ACACA: variants seen among roughly 807,000 people sequenced by gnomAD.
ACACA encodes the protein acetyl-CoA carboxylase alpha.
A neutral mutation model predicts 296.1 loss-of-function variants in ACACA; 103 were observed. The ratio of observed to expected loss-of-function variants is 0.35; its 90% CI spans 0.30 to 0.41. The LOEUF (loss-of-function observed/expected upper bound fraction) is 0.41. ACACA is among the 10% of genes least tolerant of loss of function. ACACA has a pLI of 1.00. For synonymous variants in ACACA, 953 were observed against 1,038.6 expected, an observed-to-expected ratio of 0.92 and a Z score of 1.58; for missense variants, 1,554 against 2,989.7, an observed-to-expected ratio of 0.52 and a Z score of 11.20.
At chr17:37,392,050 A>C in intron 1 of ACACA, 1 of 272,202 alleles carries the variant, frequency 3.7e-6, no homozygotes, top group Non-Finnish European at 7.0e-6. Context: ...CACAGCCTCT[A>C]AGAAACAAGG....
chr17:37,098,792 C>T (rs1409959620), intron 52 of ACACA, among the ~76,000 whole-genome samples: 2 of 152,238 alleles, frequency 1.3e-5, no homozygotes, highest in Non-Finnish European at 2.9e-5. Context: ...CCTGACTCAA[C>T]AGACAGGAGA....
intron 52 of ACACA, among the ~76,000 whole-genome samples, chr17:37,109,205 G>A (rs889572455): frequency 3.9e-5 from 6 of 152,178 alleles, no homozygotes; most frequent in African/African-American, 1.2e-4. Context: ...ACAGCTGCCC[G>A]TATAGGATAT....
intron 3 of ACACA, among the ~76,000 whole-genome samples, chr17:37,303,059 T>C (rs148540854): frequency 5.3e-5 from 8 of 152,284 alleles, no homozygotes; most frequent in African/African-American, 1.9e-4. Context: ...GCCTCCCAAG[T>C]AGCTGGGACT....
chr17:37,216,506 A>C (rs1567828528), intron 29 of ACACA, among the ~76,000 whole-genome samples: 1 of 152,146 alleles, frequency 6.6e-6, no homozygotes, highest in Admixed American at 6.5e-5. Context: ...ACAGATTAGG[A>C]ATAAACTATT....
At chr17:37,395,336 A>C (rs763081272) in intron 1 of ACACA, among the ~76,000 whole-genome samples, 9 of 151,686 alleles carry the variant, frequency 5.9e-5, no homozygotes, top group Non-Finnish European at 1.3e-4. Flanking sequence ...AGGCTAAGGC[A>C]GGAGAATCGC....
At chr17:37,235,185 T>C in intron 24 of ACACA, 86 bp from the exon 25 acceptor site, 1 of 1,511,138 alleles carries the variant, frequency 6.6e-7, no homozygotes. Flanking sequence ...CTATAATTTA[T>C]GAGACGAGCA....
At chr17:37,120,378 G>A (rs1157365037) in intron 50 of ACACA, among the ~76,000 whole-genome samples, 1 of 152,038 alleles carries the variant, frequency 6.6e-6, no homozygotes, top group Non-Finnish European at 1.5e-5. Context: ...TGATTCTCCT[G>A]CCTCAGCCTC....
At position 37,200,474 on chromosome 17, in the gene ACACA, G is replaced by A. The variant is rs778794379; in HGVS notation, c.4066C>T (p.Leu1356=). Residue 1356 remains leucine, a synonymous_variant, in exon 34 of 56, where the codon CTG becomes TTG. Transcript: ENST00000616317. ...AGGCGCCGGATCCCATGGTCAACCAGGGTAGCTTTCTAGGAGCAAAAACAT... is the reference window on the plus strand; with the variant it reads ...AGGCGCCGGATCCCATGGTCAACCAAGGTAGCTTTCTAGGAGCAAAAACAT... ...REFTQQNKAT[L]VDHGIRRLTF... is the part of the protein sequence containing the mutation. 7.4e-6 allele frequency: 12 copies of A among 1,612,958 alleles called. No homozygotes were observed. The South Asian group carries it at 1.2e-4, about 16-fold the overall frequency.
Position 37,200,416 on chromosome 17 carries a change from C to G in ACACA, c.4113+11G>C, listed in dbSNP as rs369797777. 3.7e-6 allele frequency: 6 copies of G among 1,603,352 alleles called. No individual in the cohort carries two copies. Among genetic ancestry groups the G allele is most frequent in the Non-Finnish European group, 5.1e-6 (6 of 1,170,304 alleles). ...AGAAATATTAAAGAGGTACAATTCA[C>G]ATGTCAGTACCTTTTGTGCAACCAG... On this transcript the variant is annotated intron_variant, in intron 34 of 55. Transcript: ENST00000616317.
intron 42 of ACACA, among the ~76,000 whole-genome samples, chr17:37,156,125 G>A (rs560091867): frequency 8.5e-5 from 12 of 141,910 alleles, no homozygotes; most frequent in Non-Finnish European, 1.5e-4. Flanking sequence ...GTGCAGTGGC[G>A]CGATCTCAGC....
chr17:37,224,886 AAATT>A (rs1207791711), intron 27 of ACACA, 102 bp downstream of exon 27: 15 of 491,986 alleles, frequency 3.0e-5, no homozygotes, highest in Middle Eastern at 5.4e-4. Context: ...TGGAAAATCA[AAATT>A]AATTAATTAA....
chr17:37,230,202 T>C (rs7218958), intron 25 of ACACA, among the ~76,000 whole-genome samples: 3,149 of 151,880 alleles, frequency 0.021, 110 homozygotes, highest in African/African-American at 0.073. Flanking sequence ...CTGACCAACA[T>C]GGAGAAACCC....
At chr17:37,207,226 A>G (rs2078544498) in intron 31 of ACACA, among the ~76,000 whole-genome samples, 1 of 152,162 alleles carries the variant, frequency 6.6e-6, no homozygotes, top group Admixed American at 6.5e-5. Flanking sequence ...GTAGTGACAG[A>G]CCAATGTAAT....
intron 1 of ACACA, among the ~76,000 whole-genome samples, chr17:37,395,443 A>C (rs1289922464): frequency 6.6e-6 from 1 of 152,028 alleles, no homozygotes; most frequent in African/African-American, 2.4e-5. Context: ...AAAAAAAAAA[A>C]AAATCTGTCT....
intron 3 of ACACA, among the ~76,000 whole-genome samples, chr17:37,302,585 C>A (rs12949301): frequency 0.49 from 74,322 of 151,392 alleles, 20,561 homozygotes; most frequent in East Asian, 0.75. Context: ...GAGCCACCAC[C>A]CCTGGCTGAT....
At chr17:37,353,766 C>T (rs2049012270) in intron 1 of ACACA, among the ~76,000 whole-genome samples, 1 of 150,166 alleles carries the variant, frequency 6.7e-6, no homozygotes, top group African/African-American at 2.4e-5. Flanking sequence ...TTGAGAAAGA[C>T]TCCCCAAAAC....
chr17:37,266,951 C>T (rs1371914437), intron 10 of ACACA, among the ~76,000 whole-genome samples: 1 of 152,202 alleles, frequency 6.6e-6, no homozygotes, highest in African/African-American at 2.4e-5. Context: ...CCTCCCTTAA[C>T]AATTCATCAT....
chr17:37,355,947 C>A (rs1182689392), intron 1 of ACACA, among the ~76,000 whole-genome samples: 1 of 151,830 alleles, frequency 6.6e-6, no homozygotes, highest in African/African-American at 2.4e-5. Flanking sequence ...GGAGGGCGGA[C>A]CACCTGAGGT....
Position 37,202,702 on chromosome 17 carries a change from TATATATATATAC to T in ACACA, c.4057-2231_4057-2220del, listed in dbSNP as rs1255527166. Among the ~76,000 whole-genome samples, 28 of 21,352 alleles carry T rather than the reference TATATATATATAC, an allele frequency of 1.3e-3. No individual in the cohort carries two copies. In the South Asian group the frequency reaches 0.063, roughly 48 times the overall value. 14.0% of individuals were successfully genotyped at this position (21,352 alleles called of 152,430 possible). A position where few individuals can be genotyped will look rare whatever the true frequency, so the allele number is the denominator to read the frequency against. On this transcript the variant is annotated intron_variant, in intron 33 of 55. Transcript: ENST00000616317. ...ATATATATATATATATATATATATATATATATATATACACACACACATATATTTTAACAAGGA... is the reference window on the plus strand; with the variant it reads ...ATATATATATATATATATATATATATACACACACATATATTTTAACAAGGA...
Sources: allele counts gnomAD v4.1 joint callset (sites outside exome capture counted in the v4.1 genomes callset), GRCh38; gene constraint gnomAD v4.1.1; transcripts MANE v1.5; gene names NCBI Gene and HGNC (gene_info 2026-07-23, HGNC 2026-07-21).